The following ABTB2 variants were observed in gnomAD, a reference collection of about 807,000 sequenced individuals.
ABTB2 encodes the protein ankyrin repeat and BTB/POZ domain-containing protein 2.
A neutral mutation model predicts 104.1 loss-of-function variants in ABTB2; 56 were observed. The ratio of observed to expected loss-of-function variants is 0.54; its 90% CI spans 0.43 to 0.67. ABTB2 has a LOEUF of 0.67. Among genes scored for constraint, ABTB2 ranks in the 30% least tolerant of loss-of-function variants. The pLI is 0.00. For missense variants in ABTB2, 1,279 were observed against 1,407.7 expected, an observed-to-expected ratio of 0.91 and a Z score of 1.46; for synonymous variants, 606 against 608.2, an observed-to-expected ratio of 1.00 and a Z score of 0.05.
At chr11:34,206,340 G>A (rs1002182797) in intron 1 of ABTB2, among the ~76,000 whole-genome samples, 16 of 152,214 alleles carry the variant, frequency 1.1e-4, no homozygotes, top group East Asian at 5.8e-4. Flanking sequence ...CTGAGATCAC[G>A]CCACTGTACT....
chr11:34,221,193 G>A (rs1272165601), intron 1 of ABTB2, among the ~76,000 whole-genome samples: 12 of 152,018 alleles, frequency 7.9e-5, no homozygotes, highest in Non-Finnish European at 1.0e-4. Flanking sequence ...GGCTGGTCTC[G>A]AACTCTTGGC....
chr11:34,243,568 C>T (rs531532639), intron 1 of ABTB2, among the ~76,000 whole-genome samples: 47 of 152,322 alleles, frequency 3.1e-4, no homozygotes, highest in Admixed American at 1.5e-3. Context: ...ACCTTTGATC[C>T]GCAAGGATAA....
chr11:34,302,806 G>A lies in ABTB2; in HGVS notation c.883+53895C>T, dbSNP rs189580620. Among the ~76,000 whole-genome samples, 49 of 152,272 alleles carry A rather than the reference G, an allele frequency of 3.2e-4. No homozygotes were observed. The South Asian group carries it at 4.4e-3, about 14-fold the overall frequency. On this transcript the variant is annotated intron_variant, in intron 1 of 16. Coordinates refer to ENST00000435224, the MANE Select transcript of ABTB2 (RefSeq NM_145804.3). Reference sequence around the variant, plus strand: ...AAGGCCCAGTCAGAAGGGAAGCTGGGGCATTCCTAGCAGTTTAGTTCATTA... The same window carrying A: ...AAGGCCCAGTCAGAAGGGAAGCTGGAGCATTCCTAGCAGTTTAGTTCATTA...
intron 4 of ABTB2, among the ~76,000 whole-genome samples, chr11:34,172,258 G>A (rs1852884191): frequency 6.6e-6 from 1 of 150,734 alleles, no homozygotes; most frequent in African/African-American, 2.4e-5. Flanking sequence ...TGTAATTCCA[G>A]TTACTTGGGA....
chr11:34,305,143 A>G (rs1290171342), intron 1 of ABTB2, among the ~76,000 whole-genome samples: 1 of 152,230 alleles, frequency 6.6e-6, no homozygotes, highest in Admixed American at 6.5e-5. Context: ...AAGACCCCAC[A>G]TAAGTACACT....
rs118126494 is a variant in ABTB2 at position 34,350,869 on chromosome 11, T to C, written c.883+5832A>G. Among the ~76,000 whole-genome samples, 57 of 152,312 alleles carry C rather than the reference T, an allele frequency of 3.7e-4. 1 individual carries two copies. Among genetic ancestry groups the C allele is most frequent in the African/African-American group, 1.3e-3 (52 of 41,554 alleles). ...TGAGCAAAATGGGACTTAGTCATTA[T>C]TGAGCTTAGTTATTATTGAGCTGTG... On this transcript the variant is annotated intron_variant, in intron 1 of 16. Transcript: ENST00000435224.
Position 34,173,286 on chromosome 11 carries a change from G to A in ABTB2, c.1266C>T (p.Pro422=), listed in dbSNP as rs1281137925. ...NNERPFMLLP[P]LMEWMRVAIT... ...TGGCCACGCGCATCCACTCCATGAGGGGCGGCAGCAGCATGAAGGGCCTGT... is the reference window on the plus strand; with the variant it reads ...TGGCCACGCGCATCCACTCCATGAGAGGCGGCAGCAGCATGAAGGGCCTGT... The change falls in exon 4 of 17, where the codon CCC becomes CCT. Residue 422 remains proline, a synonymous_variant. Transcript: ENST00000435224. 1 of 1,602,314 alleles carries A rather than the reference G, an allele frequency of 6.2e-7. No individual in the cohort carries two copies. The highest frequency in any genetic ancestry group is 1.1e-5 in the South Asian group (1 of 89,248).
At position 34,356,695 on chromosome 11, in the gene ABTB2, G is replaced by C. The variant is rs759224075; in HGVS notation, c.883+6C>G. ...CAGTCTGCCAGTCCGAGGCCCGCGC[G>C]CTTACCATTGGCGTTCTTGCCGCAG... On this transcript the variant is annotated splice_donor_region_variant and intron_variant, in intron 1 of 16. Coordinates refer to ENST00000435224, the MANE Select transcript of ABTB2 (RefSeq NM_145804.3). This position sits in a 1 kb window ranked among gnomAD's most constrained non-coding sequence, Gnocchi z 4.6. The C allele has an allele frequency of 1.3e-6, 2 of 1,577,850 alleles. No homozygotes were observed. Among genetic ancestry groups the C allele is most frequent in the Non-Finnish European group, 1.7e-6 (2 of 1,154,736 alleles).
chr11:34,225,931 C>A (rs894633940), intron 1 of ABTB2, among the ~76,000 whole-genome samples: 3 of 151,816 alleles, frequency 2.0e-5, no homozygotes, highest in East Asian at 3.9e-4. Context: ...AAGCCAGGTG[C>A]GGTGGCTCAC....
At chr11:34,268,418 A>C (rs2611115) in intron 1 of ABTB2, among the ~76,000 whole-genome samples, 20,493 of 152,156 alleles carry the variant, frequency 0.13, 4,039 homozygotes, top group African/African-American at 0.43. Flanking sequence ...AGGACGGCTG[A>C]CATTTCCCAG....
At chr11:34,220,978 T>C (rs1853614102) in intron 1 of ABTB2, among the ~76,000 whole-genome samples, 1 of 151,944 alleles carries the variant, frequency 6.6e-6, no homozygotes, top group Admixed American at 6.6e-5. Flanking sequence ...TCTTTTTTTT[T>C]TTTTTCTTTG....
chr11:34,324,190 C>A, intron 1 of ABTB2, among the ~76,000 whole-genome samples: 1 of 152,038 alleles, frequency 6.6e-6, no homozygotes, highest in Non-Finnish European at 1.5e-5. Context: ...GGATTACAGG[C>A]ATGAGCCACC....
chr11:34,175,378 T>G (rs1299481361), intron 3 of ABTB2, among the ~76,000 whole-genome samples: 1 of 152,238 alleles, frequency 6.6e-6, no homozygotes, highest in Non-Finnish European at 1.5e-5. Flanking sequence ...TCAGAACACC[T>G]ACATTAGCCT....
chr11:34,186,387 A>G (rs1246235133), intron 3 of ABTB2, among the ~76,000 whole-genome samples: 1 of 152,188 alleles, frequency 6.6e-6, no homozygotes, highest in Non-Finnish European at 1.5e-5. Flanking sequence ...GGCTCCAGAT[A>G]CCACCCAGCT....
intron 1 of ABTB2, among the ~76,000 whole-genome samples, chr11:34,295,634 G>T (rs1465305239): frequency 6.6e-6 from 1 of 152,186 alleles, no homozygotes; most frequent in East Asian, 1.9e-4. Context: ...GCCTTAGTCA[G>T]CCCAGGCTGC....
intron 1 of ABTB2, among the ~76,000 whole-genome samples, chr11:34,322,153 A>C (rs568760253): frequency 6.6e-6 from 1 of 152,356 alleles, no homozygotes; most frequent in African/African-American, 2.4e-5. Context: ...CATCCAGATA[A>C]GGTAGGTCTG....
At chr11:34,165,988 G>T (rs1852795039) in intron 7 of ABTB2, among the ~76,000 whole-genome samples, 1 of 152,258 alleles carries the variant, frequency 6.6e-6, no homozygotes, top group Non-Finnish European at 1.5e-5. Flanking sequence ...TTTGACAGGG[G>T]ACAGACGGGG....
chr11:34,216,687 G>A (rs1853552217), intron 1 of ABTB2, among the ~76,000 whole-genome samples: 1 of 152,210 alleles, frequency 6.6e-6, no homozygotes, highest in Non-Finnish European at 1.5e-5. Flanking sequence ...GGAGGCAGGA[G>A]GTTGTAGTGA....
chr11:34,305,094 G>A (rs1271762240), intron 1 of ABTB2, among the ~76,000 whole-genome samples: 1 of 152,202 alleles, frequency 6.6e-6, no homozygotes, highest in African/African-American at 2.4e-5. Flanking sequence ...CCACATCAGG[G>A]CACACATCTC....
Sources: gnomAD v4.1 joint callset for allele counts (sites outside exome capture counted in the v4.1 genomes callset) on GRCh38, gnomAD v4.1.1 for gene constraint, Gnocchi (gnomAD v3.1) non-coding constraint, MANE v1.5 for transcripts, NCBI Gene and HGNC (gene_info 2026-07-23, HGNC 2026-07-21) for gene names.